POLQ: variants seen among roughly 807,000 people sequenced by gnomAD.
POLQ encodes epididymis secretory sperm binding protein.
Under a neutral mutation model 259.2 loss-of-function variants are expected in POLQ, and 233 were observed. The observed-to-expected ratio is 0.90, with a 90% CI of 0.81 to 1.00. POLQ has a LOEUF of 1.00. Ranked by LOEUF, POLQ falls within the 50% of genes least tolerant of loss-of-function variation. The probability of loss-of-function intolerance (pLI) is 0.00; values close to 1 mark genes in which losing one functional copy is unlikely to be tolerated. For synonymous variants in POLQ, 1,025 were observed against 1,048.8 expected (o/e 0.98, Z 0.44); for missense variants, 2,871 against 3,051.6 (o/e 0.94, Z 1.39).
At chr3:121,470,414 T>C (rs1219294319) in intron 22 of POLQ, among the ~76,000 whole-genome samples, 1 of 152,036 alleles carries the variant, frequency 6.6e-6, no homozygotes, top group Non-Finnish European at 1.5e-5. Context: ...TGGGACAAGT[T>C]TAGAATGTTT....
intron 14 of POLQ, among the ~76,000 whole-genome samples, chr3:121,496,515 T>A (rs976362896): frequency 2.0e-5 from 3 of 151,992 alleles, no homozygotes; most frequent in Admixed American, 6.5e-5. Flanking sequence ...CAGAGAACTT[T>A]GTTTCTGTTT....
At chr3:121,455,899 C>A (rs1399871486) in intron 25 of POLQ, among the ~76,000 whole-genome samples, 1 of 138,644 alleles carries the variant, frequency 7.2e-6, no homozygotes, top group Non-Finnish European at 1.5e-5. Context: ...CCAGCATCAT[C>A]CTGATACCAA....
rs1165266307 is a variant in POLQ, at chr3:121,537,141, C to G, written c.699G>C (p.Leu233Phe). 1.2e-6 allele frequency: 2 copies of G among 1,604,026 alleles called. No individual in the cohort carries two copies. Among genetic ancestry groups the G allele is most frequent in the Non-Finnish European group, 1.7e-6 (2 of 1,170,996 alleles). ...DSHRGYLLEL[L>F]LTKICYITRK... ...GAGTAATATAGCAAATCTTGGTCAG[C>G]AAAAGTTCCAGCAGATACCCTCGGT... The change falls in exon 5 of 30, where the codon TTG (leucine) becomes TTC (phenylalanine). Residue 233 changes from leucine to phenylalanine, a missense_variant. Coordinates refer to ENST00000264233, the MANE Select transcript of POLQ (RefSeq NM_199420.4).
chr3:121,455,226 C>T (rs1458873190), intron 25 of POLQ, among the ~76,000 whole-genome samples: 5 of 145,768 alleles, frequency 3.4e-5, no homozygotes, highest in African/African-American at 7.7e-5. Flanking sequence ...GGGACACATT[C>T]AAAGCAGTGT....
chr3:121,488,334 T>C lies in POLQ; in HGVS notation c.4597A>G (p.Ile1533Val). 6.2e-7 allele frequency: 1 copy of C among 1,612,992 alleles called. No homozygotes were observed. The highest frequency in any genetic ancestry group is 8.5e-7 in the Non-Finnish European group (1 of 1,179,528). ...TTCTCATTTACATTTGATTTTTTAA[T>C]TAGGTCTTCTTGTAGACACAGAGAA... ...SDSLCLQEDLIKKSNVNENQD... is the reference protein window; with the variant it reads ...SDSLCLQEDLVKKSNVNENQD... Residue 1533 changes from isoleucine to valine, a missense_variant, in exon 16 of 30, where the codon ATT becomes GTT. Transcript: ENST00000264233.
chr3:121,520,114 G>A (rs2048327755), intron 8 of POLQ, 31 bp from the exon 9 acceptor site: 7 of 1,221,296 alleles, frequency 5.7e-6, no homozygotes, highest in East Asian at 2.4e-5. Context: ...TATATTTATT[G>A]ATATATAACG....
At chr3:121,528,492 C>T (rs1365707016) in intron 7 of POLQ, among the ~76,000 whole-genome samples, 1 of 151,796 alleles carries the variant, frequency 6.6e-6, no homozygotes, top group Non-Finnish European at 1.5e-5. Flanking sequence ...TACAGGCGTG[C>T]ACCACCACAC....
intron 19 of POLQ, among the ~76,000 whole-genome samples, chr3:121,479,529 C>G (rs1039938967): frequency 6.6e-6 from 1 of 152,128 alleles, no homozygotes; most frequent in Non-Finnish European, 1.5e-5. Flanking sequence ...GTGGCAGAAT[C>G]TCTGCTCACT....
intron 5 of POLQ, among the ~76,000 whole-genome samples, chr3:121,534,340 T>C (rs2048435371): frequency 6.6e-6 from 1 of 152,164 alleles, no homozygotes; most frequent in Non-Finnish European, 1.5e-5. Flanking sequence ...TTTACTTTTT[T>C]TTTTTTTGAG....
chr3:121,470,338 G>A (rs192241274), intron 22 of POLQ, among the ~76,000 whole-genome samples: 2 of 152,204 alleles, frequency 1.3e-5, no homozygotes, highest in East Asian at 3.9e-4. Context: ...TTTTACGTAA[G>A]TTTATATCAT....
intron 7 of POLQ, among the ~76,000 whole-genome samples, chr3:121,526,329 A>T (rs1446062216): frequency 6.6e-6 from 1 of 152,236 alleles, no homozygotes; most frequent in Non-Finnish European, 1.5e-5. Flanking sequence ...AAGACTGGCA[A>T]CCAGTGTTTA....
At chr3:121,444,024 C>T (rs1344877535) in intron 26 of POLQ, among the ~76,000 whole-genome samples, 1 of 151,784 alleles carries the variant, frequency 6.6e-6, no homozygotes, top group Non-Finnish European at 1.5e-5. Flanking sequence ...AATGTGATTT[C>T]TCCAGTTTTG....
intron 27 of POLQ, among the ~76,000 whole-genome samples, chr3:121,438,365 A>C (rs570309043): frequency 5.9e-5 from 9 of 152,328 alleles, no homozygotes; most frequent in African/African-American, 2.2e-4. Flanking sequence ...TATATTAATA[A>C]CTACATATTC....
intron 28 of POLQ, among the ~76,000 whole-genome samples, chr3:121,433,417 A>G (rs983761081): frequency 3.3e-5 from 5 of 152,124 alleles, no homozygotes; most frequent in African/African-American, 1.2e-4. Flanking sequence ...GCAAACTAAT[A>G]TTGTTAGGCA....
At chr3:121,523,011 C>T (rs2048348664) in intron 7 of POLQ, among the ~76,000 whole-genome samples, 1 of 152,140 alleles carries the variant, frequency 6.6e-6, no homozygotes, top group Admixed American at 6.5e-5. Flanking sequence ...TCTTCTCCCC[C>T]AGTAAGAGCT....
chr3:121,464,633 G>A (rs1438489069), intron 24 of POLQ, among the ~76,000 whole-genome samples: 1 of 151,336 alleles, frequency 6.6e-6, no homozygotes, highest in Non-Finnish European at 1.5e-5. Context: ...AAAACTTTCT[G>A]AGCACTGACA....
rs775641213 is a variant in POLQ, at chr3:121,488,323, T to C, written c.4608A>G (p.Ser1536=). The change falls in exon 16 of 30, where the codon TCA becomes TCG. Residue 1536 remains serine (S), a synonymous_variant. Coordinates refer to ENST00000264233, the MANE Select transcript of POLQ (RefSeq NM_199420.4). ...GGGTATCTTGATTCTCATTTACATTTGATTTTTTAATTAGGTCTTCTTGTA... is the reference window on the plus strand; with the variant it reads ...GGGTATCTTGATTCTCATTTACATTCGATTTTTTAATTAGGTCTTCTTGTA... ...LCLQEDLIKK[S]NVNENQDTHQ... The C allele has an allele frequency of 2.5e-6, 4 of 1,612,762 alleles. No homozygotes were observed. Among genetic ancestry groups the C allele is most frequent in the Non-Finnish European group, 3.4e-6 (4 of 1,179,522 alleles).
rs1308978970 is a variant in POLQ, at chr3:121,509,647, G to A, written c.1873C>T (p.Pro625Ser). The change falls in exon 12 of 30, where the codon CCA (proline) becomes TCA (serine). Residue 625 changes from proline (P) to serine (S), a missense_variant. This residue lies in a region of POLQ where 783 missense variants were observed against 906.2 expected (regional missense o/e 0.86). Transcript: ENST00000264233. ...GCAAAAATATCTAAAGTATCAGCTGGAGAAAGTGAAGAAGAAAGAGTGGCC... is the reference window on the plus strand; with the variant it reads ...GCAAAAATATCTAAAGTATCAGCTGAAGAAAGTGAAGAAGAAAGAGTGGCC... Reference protein sequence around the residue: ...GSATLSSSLSPADTLDIFADL... With the variant: ...GSATLSSSLSSADTLDIFADL... 3 of 1,613,848 alleles carry A rather than the reference G, an allele frequency of 1.9e-6. No homozygotes were observed. The highest frequency in any genetic ancestry group is 2.5e-6 in the Non-Finnish European group (3 of 1,179,762).
intron 23 of POLQ, 21 bp from the exon 24 acceptor site, chr3:121,467,661 T>C: frequency 6.2e-7 from 1 of 1,611,546 alleles, no homozygotes; most frequent in South Asian, 1.1e-5. Flanking sequence ...AACAACATCA[T>C]CAGTTAGACA....
Sources: allele counts gnomAD v4.1 joint callset (sites outside exome capture counted in the v4.1 genomes callset), GRCh38; gene constraint gnomAD v4.1.1; regional missense constraint gnomAD v4.1.1; transcripts MANE v1.5; gene names NCBI Gene and HGNC (gene_info 2026-07-23, HGNC 2026-07-21).